The following ADGRF5 variants were observed in gnomAD, a reference collection of about 807,000 sequenced individuals.
ADGRF5 encodes G-protein coupled receptor 116.
A neutral mutation model predicts 132.3 loss-of-function variants in ADGRF5; 75 were observed. That is an observed-to-expected ratio of 0.57 (90% CI 0.47 to 0.69). ADGRF5 has a LOEUF of 0.69. ADGRF5 is among the 30% of genes least tolerant of loss of function. The probability of loss-of-function intolerance (pLI) is 0.00; values close to 1 mark genes in which losing one functional copy is unlikely to be tolerated. For missense variants in ADGRF5, 1,516 were observed against 1,630.6 expected, an observed-to-expected ratio of 0.93 and a Z score of 1.21; for synonymous variants, 629 against 597.6, an observed-to-expected ratio of 1.05 and a Z score of -0.77.
intron 1 of ADGRF5, among the ~76,000 whole-genome samples, chr6:46,951,608 A>G (rs898427288): frequency 7.9e-5 from 12 of 152,206 alleles, no homozygotes; most frequent in African/African-American, 2.7e-4. Context: ...GGAACTGGCT[A>G]TATGTCTACG....
chr6:46,954,172 G>A (rs978475709), intron 1 of ADGRF5, among the ~76,000 whole-genome samples: 8 of 151,618 alleles, frequency 5.3e-5, no homozygotes, highest in Non-Finnish European at 1.0e-4. Flanking sequence ...AGGAAACCTC[G>A]GGAATAACAA....
At chr6:46,947,116 C>T (rs1172416172) in intron 1 of ADGRF5, among the ~76,000 whole-genome samples, 2 of 152,144 alleles carry the variant, frequency 1.3e-5, no homozygotes, top group East Asian at 3.9e-4. Context: ...TAGTAGAGTT[C>T]AGACACATAG....
chr6:46,858,158 T>C lies in ADGRF5; in HGVS notation c.3745A>G (p.Ile1249Val), dbSNP rs754006552. 2 of 1,613,370 alleles carry C rather than the reference T, an allele frequency of 1.2e-6. No homozygotes were observed. Among genetic ancestry groups the C allele is most frequent in the Non-Finnish European group, 1.7e-6 (2 of 1,179,500 alleles). ...AAGACATTGAGGATGGCAAATATGA[T>C]ATGGAACACAAGGTTGGTCCCTGGG... ...VFPGTNLVFHIIFAILNVFQG... is the reference protein window; with the variant it reads ...VFPGTNLVFHVIFAILNVFQG... Residue 1249 changes from isoleucine (I) to valine (V), a missense_variant, in exon 17 of 21, where the codon ATC becomes GTC. Transcript: ENST00000283296.
At position 46,870,152 on chromosome 6, in the gene ADGRF5, T is replaced by A. The variant is rs182212703; in HGVS notation, c.1412-1060A>T. Among the ~76,000 whole-genome samples, 205 of 152,012 alleles carry A rather than the reference T, an allele frequency of 1.3e-3. 1 individual carries two copies. The highest frequency in any genetic ancestry group is 0.012 in the Admixed American group (187 of 15,258). On this transcript the variant is annotated intron_variant, in intron 11 of 20. Coordinates refer to ENST00000283296, the MANE Select transcript of ADGRF5 (RefSeq NM_001098518.2). ...ACCCAGTCAGTGTGAAATCTTATTA[T>A]TAATAATATTATTATTTTTTTCTTT...
At position 46,854,090 on chromosome 6, in the gene ADGRF5, A is replaced by G. The variant is rs547640157; in HGVS notation, c.3962-19T>C. ...TACGTTCCTGAAAAACAGAGCAGCA[A>G]CTCAGCCTTGAAGACAAGCCATCAT... On this transcript the variant is annotated intron_variant, in intron 20 of 20. Transcript: ENST00000283296. 2 of 1,570,642 alleles carry G rather than the reference A, an allele frequency of 1.3e-6. No homozygotes were observed. Among genetic ancestry groups the G allele is most frequent in the East Asian group, 2.3e-5 (1 of 43,016 alleles).
At chr6:46,857,310 GGCCCAGTA>G (rs1472607851) in intron 17 of ADGRF5, among the ~76,000 whole-genome samples, 1 of 152,162 alleles carries the variant, frequency 6.6e-6, no homozygotes, top group East Asian at 1.9e-4. Flanking sequence ...TGGAGACACA[GGCCCAGTA>G]GCAGAAATCA....
At chr6:46,900,999 T>A (rs1042512597) in intron 2 of ADGRF5, among the ~76,000 whole-genome samples, 1 of 152,148 alleles carries the variant, frequency 6.6e-6, no homozygotes, top group African/African-American at 2.4e-5. Context: ...CTCAGAACTT[T>A]GATGCGAGGA....
Position 46,859,337 on chromosome 6 carries a change from T to C in ADGRF5, c.2566A>G (p.Met856Val). Residue 856 changes from methionine to valine, a missense_variant, in exon 17 of 21, where the codon ATG becomes GTG. Coordinates refer to ENST00000283296, the MANE Select transcript of ADGRF5 (RefSeq NM_001098518.2). The part of the protein sequence containing the change: ...FSQTNVQMSS[M>V]VIKSSHPETY... ...TCTGGGTGGCTGGACTTGATTACCA[T>C]GCTGCTCATCTGCACATTAGTTTGG... 2 of 1,613,904 alleles carry C rather than the reference T, an allele frequency of 1.2e-6. No individual in the cohort carries two copies. The highest frequency in any genetic ancestry group is 1.7e-6 in the Non-Finnish European group (2 of 1,179,788).
chr6:46,872,086 T>C (rs1041559900), intron 10 of ADGRF5, 73 bp from the exon 11 acceptor site: 25 of 996,632 alleles, frequency 2.5e-5, no homozygotes, highest in African/African-American at 3.5e-5. Context: ...GGTCAAATCA[T>C]TTTTTTTTCA....
intron 1 of ADGRF5, among the ~76,000 whole-genome samples, chr6:46,953,374 C>T (rs1225394071): frequency 6.6e-6 from 1 of 152,028 alleles, no homozygotes; most frequent in Non-Finnish European, 1.5e-5. Flanking sequence ...ATAATCCCAG[C>T]ATTTTGGGAG....
At chr6:46,866,229 A>AT (rs1217826500) in intron 13 of ADGRF5, among the ~76,000 whole-genome samples, 1 of 152,114 alleles carries the variant, frequency 6.6e-6, no homozygotes, top group African/African-American at 2.4e-5. Flanking sequence ...GGACAACTAT[A>AT]TTTTTTGGGG....
rs1338663775 is a variant in ADGRF5, at chr6:46,853,113, G to A, written c.*879C>T. ...ACAAACTAAAATATAAGGCTTTTCTGATAAACTATAAAAATTTAATCAGCA... is the reference window on the plus strand; with the variant it reads ...ACAAACTAAAATATAAGGCTTTTCTAATAAACTATAAAAATTTAATCAGCA... On this transcript the variant is annotated 3_prime_UTR_variant, in exon 21 of 21. Transcript: ENST00000283296. 1 of 152,482 alleles carries A rather than the reference G, an allele frequency of 6.6e-6. No individual in the cohort carries two copies. The highest frequency in any genetic ancestry group is 1.9e-4 in the East Asian group (1 of 5,194). The allele number at this position is 152,482 out of a possible 1,614,324, so 9.4% of individuals were successfully genotyped here.
At chr6:46,949,343 G>T (rs867942715) in intron 1 of ADGRF5, among the ~76,000 whole-genome samples, 2 of 152,334 alleles carry the variant, frequency 1.3e-5, no homozygotes, top group African/African-American at 4.8e-5. Context: ...AAAGGATAAA[G>T]TATTAACAGA....
chr6:46,950,804 C>T lies in ADGRF5; in HGVS notation c.-25+3930G>A, dbSNP rs140472302. On this transcript the variant is annotated intron_variant, in intron 1 of 20. Transcript: ENST00000265417. Reference sequence around the variant, plus strand: ...CTGGGATTACAGGCATGAGCCACTGCGCCTGGCTGACTTGGTGTTTTTTTA... The same window carrying T: ...CTGGGATTACAGGCATGAGCCACTGTGCCTGGCTGACTTGGTGTTTTTTTA... 5.1e-3 allele frequency among the ~76,000 whole-genome samples: 781 copies of T among 152,278 alleles called. 6 individuals carry two copies. The highest frequency in any genetic ancestry group is 0.018 in the African/African-American group (747 of 41,562).
At chr6:46,878,461 G>A in intron 9 of ADGRF5, 56 bp from the exon 10 acceptor site, 3 of 1,027,030 alleles carry the variant, frequency 2.9e-6, no homozygotes, top group Admixed American at 2.0e-5. Flanking sequence ...TTTTCTTAGA[G>A]GAATGTACCG....
Position 46,940,110 on chromosome 6 carries a change from A to G in ADGRF5, c.-25+14624T>C, listed in dbSNP as rs1419447018. Among the ~76,000 whole-genome samples the G allele has an allele frequency of 3.3e-5, 5 of 152,158 alleles. No homozygotes were observed. The South Asian group carries it at 8.3e-4, about 25-fold the overall frequency. On this transcript the variant is annotated intron_variant, in intron 1 of 20. Coordinates refer to the ADGRF5 transcript ENST00000265417. ...TTTCCTTGGATGCTAAACCAACAATACTAATGATTGACTTTTACTTTTCCT... is the reference window on the plus strand; with the variant it reads ...TTTCCTTGGATGCTAAACCAACAATGCTAATGATTGACTTTTACTTTTCCT...
intron 10 of ADGRF5, among the ~76,000 whole-genome samples, chr6:46,874,938 A>G (rs1771479132): frequency 1.3e-5 from 2 of 152,218 alleles, no homozygotes; most frequent in African/African-American, 2.4e-5. Flanking sequence ...GGATGCTGCT[A>G]CATATCCTAC....
At chr6:46,861,043 A>G (rs1228709686) in intron 15 of ADGRF5, 149 bp from the exon 16 acceptor site, 13 of 618,344 alleles carry the variant, frequency 2.1e-5, no homozygotes, top group Non-Finnish European at 3.7e-5. Context: ...TGATGTGCTT[A>G]TCCCTTAAGC....
chr6:46,893,856 T>C (rs768522397), intron 3 of ADGRF5, among the ~76,000 whole-genome samples: 7 of 152,160 alleles, frequency 4.6e-5, no homozygotes, highest in Non-Finnish European at 1.0e-4. Flanking sequence ...CCCTCTCCTT[T>C]CCCATAAATC....
Sources: allele counts gnomAD v4.1 joint callset (sites outside exome capture counted in the v4.1 genomes callset), GRCh38; gene constraint gnomAD v4.1.1; transcripts MANE v1.5; gene names NCBI Gene and HGNC (gene_info 2026-07-23, HGNC 2026-07-21).